Variants in MMP16 observed in about 807,000 individuals in gnomAD.
The protein encoded by MMP16 is matrix metallopeptidase 16, also known as matrix metalloproteinase-16.
In MMP16, 12 loss-of-function variants were observed where a neutral mutation model predicts 67.8. The ratio of observed to expected loss-of-function variants is 0.18; its 90% CI spans 0.11 to 0.29. MMP16 has a LOEUF of 0.29. Among genes scored for constraint, MMP16 ranks in the 10% least tolerant of loss-of-function variants. The pLI is 1.00. For missense variants in MMP16, 475 were observed against 765.7 expected (o/e 0.62, Z 4.48); for synonymous variants, 249 against 255.9 (o/e 0.97, Z 0.26).
At chr8:88,186,124 G>C (rs1330875509) in intron 3 of MMP16, among the ~76,000 whole-genome samples, 4 of 152,046 alleles carry the variant, frequency 2.6e-5, no homozygotes, top group African/African-American at 9.7e-5. Context: ...ACAACATTCT[G>C]TTTAAATAGC....
intron 4 of MMP16, among the ~76,000 whole-genome samples, chr8:88,167,401 T>C (rs1229138469): frequency 6.6e-6 from 1 of 152,086 alleles, no homozygotes; most frequent in Non-Finnish European, 1.5e-5. Context: ...AGGAATCACA[T>C]TGTGAAGAAG....
chr8:88,273,994 C>A (rs931074744), intron 1 of MMP16, among the ~76,000 whole-genome samples: 1 of 152,064 alleles, frequency 6.6e-6, no homozygotes. Flanking sequence ...TCATCATCAT[C>A]AACATTGCTA....
At chr8:88,074,558 C>T in intron 7 of MMP16, 47 bp downstream of exon 7, 2 of 1,593,052 alleles carry the variant, frequency 1.3e-6, no homozygotes, top group African/African-American at 1.3e-5. Context: ...GGGTCCTATA[C>T]AAAATGATTA....
In MMP16 at chr8:88,038,898, T is replaced by C; in HGVS notation, c.*2563A>G. On this transcript the variant is annotated 3_prime_UTR_variant, in exon 10 of 10. Transcript: ENST00000286614. This position sits in a 1 kb window ranked among gnomAD's most constrained non-coding sequence, Gnocchi z 4.1. ...TGTATGATATTTTACTGTAAAGCCA[T>C]TCTTCTTTTCTTACTCTTCTTTTTT... 1 of 152,576 alleles carries C rather than the reference T, an allele frequency of 6.6e-6. No individual in the cohort carries two copies. The highest frequency in any genetic ancestry group is 1.5e-5 in the Non-Finnish European group (1 of 68,006). 9.5% of individuals were successfully genotyped at this position (152,576 alleles called of 1,614,324 possible).
intron 3 of MMP16, among the ~76,000 whole-genome samples, chr8:88,170,048 T>G (rs1350783337): frequency 6.6e-6 from 1 of 152,140 alleles, no homozygotes; most frequent in African/African-American, 2.4e-5. Flanking sequence ...TTGGACCAGG[T>G]TGGTACCAGT....
chr8:88,148,445 T>C (rs745588571), intron 4 of MMP16, among the ~76,000 whole-genome samples: 1 of 152,228 alleles, frequency 6.6e-6, no homozygotes, highest in Admixed American at 6.5e-5. Flanking sequence ...GGTGCCTAAA[T>C]GCAGTATGTT....
At chr8:88,271,943 T>C (rs566655694) in intron 1 of MMP16, among the ~76,000 whole-genome samples, 25 of 152,306 alleles carry the variant, frequency 1.6e-4, no homozygotes, top group African/African-American at 4.1e-4. Context: ...AATTTGAACA[T>C]TGGCTCAGCA....
chr8:88,122,560 T>A (rs907722524), intron 4 of MMP16, among the ~76,000 whole-genome samples: 29 of 151,922 alleles, frequency 1.9e-4, no homozygotes, highest in Non-Finnish European at 5.9e-5. Context: ...AATAGTACAG[T>A]CCATATCTAG....
intron 4 of MMP16, among the ~76,000 whole-genome samples, chr8:88,157,383 T>G (rs985365064): frequency 6.6e-6 from 1 of 151,832 alleles, no homozygotes; most frequent in Admixed American, 6.6e-5. Context: ...CCATCTTATA[T>G]AAGGGACTTG....
At chr8:88,186,324 C>G in intron 3 of MMP16, 152 bp downstream of exon 3, 1 of 969,222 alleles carries the variant, frequency 1.0e-6, no homozygotes. Flanking sequence ...ACAATTTACT[C>G]TCCTCTCAAT....
At chr8:88,112,963 C>G (rs1809363288) in intron 6 of MMP16, among the ~76,000 whole-genome samples, 1 of 151,662 alleles carries the variant, frequency 6.6e-6, no homozygotes. Context: ...GTAAATAATA[C>G]TCATTGAAAT....
intron 1 of MMP16, among the ~76,000 whole-genome samples, chr8:88,250,135 C>A (rs947994704): frequency 3.3e-5 from 5 of 152,028 alleles, no homozygotes; most frequent in Admixed American, 3.3e-4. Context: ...ATTATACTAT[C>A]TTAATATCTT....
At chr8:88,068,686 A>G (rs995896758) in intron 7 of MMP16, among the ~76,000 whole-genome samples, 2 of 151,988 alleles carry the variant, frequency 1.3e-5, no homozygotes, top group Non-Finnish European at 2.9e-5. Context: ...CTTGAAATCA[A>G]GTAGTATTTT....
chr8:88,197,438 A>T (rs1809274884), intron 1 of MMP16, 132 bp from the exon 2 acceptor site: 1 of 667,092 alleles, frequency 1.5e-6, no homozygotes, highest in African/African-American at 1.9e-5. Flanking sequence ...TAAGTGTTTG[A>T]TCTTTTTGTA....
chr8:88,139,768 A>G (rs982608509), intron 4 of MMP16, among the ~76,000 whole-genome samples: 9 of 152,108 alleles, frequency 5.9e-5, no homozygotes, highest in African/African-American at 2.2e-4. Flanking sequence ...CCTCTTCTCT[A>G]TGCTTTTACT....
intron 3 of MMP16, among the ~76,000 whole-genome samples, chr8:88,185,458 T>C (rs1387721756): frequency 6.6e-6 from 1 of 151,864 alleles, no homozygotes; most frequent in Non-Finnish European, 1.5e-5. Context: ...AAAAAAAACG[T>C]CGCCAAAATA....
chr8:88,192,016 T>C (rs1809176515), intron 2 of MMP16, among the ~76,000 whole-genome samples: 1 of 152,240 alleles, frequency 6.6e-6, no homozygotes, highest in Admixed American at 6.5e-5. Context: ...TTCACCAGGA[T>C]AATATGTTAA....
chr8:88,235,638 G>A (rs148151274), intron 1 of MMP16, among the ~76,000 whole-genome samples: 48 of 152,156 alleles, frequency 3.2e-4, no homozygotes, highest in African/African-American at 1.2e-3. Context: ...AGAAAACTTG[G>A]CATGCTACTA....
chr8:88,111,534 GA>G (rs2118412568), intron 6 of MMP16, among the ~76,000 whole-genome samples: 1 of 151,822 alleles, frequency 6.6e-6, no homozygotes, highest in East Asian at 2.0e-4. Context: ...AAATAAGATA[GA>G]GGAGGTAAGA....
Sources: gnomAD v4.1 joint callset for allele counts (sites outside exome capture counted in the v4.1 genomes callset) on GRCh38, gnomAD v4.1.1 for gene constraint, Gnocchi (gnomAD v3.1) non-coding constraint, MANE v1.5 for transcripts, NCBI Gene and HGNC (gene_info 2026-07-23, HGNC 2026-07-21) for gene names.